The following VWF variants were observed in gnomAD, a reference collection of about 807,000 sequenced individuals.
The protein encoded by VWF is Factor VIII related antigen.
In VWF, 176 loss-of-function variants were observed where a neutral mutation model predicts 308.6. The ratio of observed to expected loss-of-function variants is 0.57; its 90% confidence interval spans 0.50 to 0.65. The LOEUF is 0.65. Ranked by LOEUF, VWF falls within the 30% of genes least tolerant of loss-of-function variation. The pLI is 0.00. For synonymous variants in VWF, 1,385 were observed against 1,443.4 expected (o/e 0.96, Z 0.92); for missense variants, 3,146 against 3,648.2 (o/e 0.86, Z 3.55).
chr12:6,054,937 G>T (rs979775216), intron 15 of VWF, among the ~76,000 whole-genome samples: 2 of 152,164 alleles, frequency 1.3e-5, no homozygotes, highest in Non-Finnish European at 2.9e-5. Context: ...TTACCCAACT[G>T]CCTTGGGTAC....
chr12:5,962,309 A>T (rs1565810261), intron 47 of VWF, among the ~76,000 whole-genome samples: 1 of 152,110 alleles, frequency 6.6e-6, no homozygotes, highest in Admixed American at 6.5e-5. Context: ...CACTTTAAAC[A>T]TTTTTTTAAT....
At chr12:6,015,465 G>C (rs757194443) in intron 31 of VWF, among the ~76,000 whole-genome samples, 1 of 151,860 alleles carries the variant, frequency 6.6e-6, no homozygotes, top group African/African-American at 2.4e-5. Flanking sequence ...AGGTGGCCAC[G>C]AGGGGACTCA....
rs542984010 is a variant in VWF, at chr12:6,114,938, T to C, written c.221-3970A>G. 5.9e-5 allele frequency among the ~76,000 whole-genome samples: 9 copies of C among 152,206 alleles called. No homozygotes were observed. The East Asian group carries it at 9.7e-4, about 16-fold the overall frequency. On this transcript the variant is annotated intron_variant, in intron 3 of 51. Coordinates refer to ENST00000261405, the MANE Select transcript of VWF (RefSeq NM_000552.5). The stretch of plus-strand genomic sequence containing the variant: ...GCTGCATCGTGCCCTTCAGTGAGGA[T>C]TGAACTGCATGGCAAGGAGAATTCC...
intron 38 of VWF, among the ~76,000 whole-genome samples, chr12:5,991,107 A>G (rs1943736584): frequency 6.6e-6 from 1 of 150,498 alleles, no homozygotes; most frequent in Non-Finnish European, 1.5e-5. Context: ...GGATTTTTGT[A>G]TTTATGAGTG....
At position 6,016,864 on chromosome 12, in the gene VWF, C is replaced by T. The variant is rs1170482741; in HGVS notation, c.5060G>A (p.Ser1687Asn). 1 of 1,613,856 alleles carries T rather than the reference C, an allele frequency of 6.2e-7. No homozygotes were observed. The highest frequency in any genetic ancestry group is 8.5e-7 in the Non-Finnish European group (1 of 1,179,942). Residue 1687 changes from serine (S) to asparagine (N), a missense_variant, in exon 29 of 52, where the codon AGC becomes AAC. Coordinates refer to ENST00000261405, the MANE Select transcript of VWF (RefSeq NM_000552.5). ...GAGAAGGATCACGTCCAGGGGCTGG[C>T]TGCAGTCTGCAAAGACAACCAGGAA... ...IPTLSPAPDC[S>N]QPLDVILLLD... is the part of the protein sequence containing the mutation.
chr12:5,951,868 T>C lies in VWF; in HGVS notation c.8131A>G (p.Ile2711Val). Residue 2711 changes from isoleucine to valine, a missense_variant, in exon 50 of 52, where the codon ATT (isoleucine) becomes GTT (valine). Ile to Val is a conservative substitution (Grantham distance 29). This residue lies in a region of VWF where 989 missense variants were observed against 1,117.4 expected (regional missense o/e 0.89). Coordinates refer to ENST00000261405, the MANE Select transcript of VWF (RefSeq NM_000552.5). ...CLAEGGKIMKIPGTCCDTCEE... is the reference protein window; with the variant it reads ...CLAEGGKIMKVPGTCCDTCEE... ...CATGTGTCACAGCAGGTGCCTGGAA[T>C]TTTCATAATTTTACCCTAAGAAAAC... is the stretch of plus-strand genomic sequence containing the variant. 1 of 1,614,184 alleles carries C rather than the reference T, an allele frequency of 6.2e-7. No homozygotes were observed. Among genetic ancestry groups the C allele is most frequent in the Non-Finnish European group, 8.5e-7 (1 of 1,180,036 alleles).
chr12:6,073,773 G>A (rs766802459), intron 7 of VWF, 32 bp from the exon 8 acceptor site: 1 of 1,613,194 alleles, frequency 6.2e-7, no homozygotes, highest in South Asian at 1.1e-5. Context: ...GTCTACCCAG[G>A]GCAGGTCCCA....
intron 27 of VWF, chr12:6,021,194 G>A: frequency 6.5e-6 from 1 of 152,722 alleles, no homozygotes; most frequent in Non-Finnish European, 1.5e-5. Context: ...TGTGACCATA[G>A]CCCCTCCCCA....
chr12:6,029,227 C>G, intron 22 of VWF, 115 bp downstream of exon 22: 1 of 1,376,386 alleles, frequency 7.3e-7, no homozygotes, highest in Non-Finnish European at 1.0e-6. Context: ...TATATATGCA[C>G]CCAACACAGG....
intron 47 of VWF, among the ~76,000 whole-genome samples, chr12:5,957,221 T>C (rs948150884): frequency 6.6e-6 from 1 of 152,216 alleles, no homozygotes; most frequent in Non-Finnish European, 1.5e-5. Context: ...GATTTGCGTA[T>C]GTGCACTCCA....
chr12:6,034,845 G>C lies in VWF; in HGVS notation c.2547-19C>G. On this transcript the variant is annotated intron_variant, in intron 19 of 51. Transcript: ENST00000261405. Reference sequence around the variant, plus strand: ...ACAGACACTAGGAGCAGTCATGGCAGAGATGACAAGTTGGGCACCTTGGGT... The same window carrying C: ...ACAGACACTAGGAGCAGTCATGGCACAGATGACAAGTTGGGCACCTTGGGT... The C allele has an allele frequency of 1.2e-6, 2 of 1,612,992 alleles. No individual in the cohort carries two copies. Among genetic ancestry groups the C allele is most frequent in the Non-Finnish European group, 1.7e-6 (2 of 1,179,008 alleles).
At chr12:6,081,181 A>G (rs1944906414) in intron 6 of VWF, among the ~76,000 whole-genome samples, 1 of 152,184 alleles carries the variant, frequency 6.6e-6, no homozygotes, top group South Asian at 2.1e-4. Context: ...TTCAGAGACC[A>G]TCTCATCACC....
chr12:6,056,800 A>G (rs1257611262), intron 15 of VWF, 57 bp downstream of exon 15: 3 of 1,298,246 alleles, frequency 2.3e-6, no homozygotes, highest in Non-Finnish European at 2.9e-6. Flanking sequence ...TTCGAAAAGC[A>G]CACGTGGACG....
intron 24 of VWF, 119 bp from the exon 25 acceptor site, chr12:6,023,906 A>G (rs1417352073): frequency 8.0e-6 from 9 of 1,123,620 alleles, no homozygotes; most frequent in Non-Finnish European, 1.1e-5. Context: ...AGGTAGAAGG[A>G]GAAATGTAGC....
chr12:6,096,589 A>AT, intron 5 of VWF, among the ~76,000 whole-genome samples: 1 of 152,156 alleles, frequency 6.6e-6, no homozygotes, highest in African/African-American at 2.4e-5. Flanking sequence ...TGCTCAAAAT[A>AT]TTTTTGCAGA....
intron 26 of VWF, among the ~76,000 whole-genome samples, chr12:6,022,350 C>G (rs1944138395): frequency 6.6e-6 from 1 of 152,128 alleles, no homozygotes; most frequent in South Asian, 2.1e-4. Flanking sequence ...TAGAGCTGTG[C>G]TGTACCATAG....
At chr12:6,098,768 C>T (rs1045843522) in intron 5 of VWF, among the ~76,000 whole-genome samples, 4 of 150,598 alleles carry the variant, frequency 2.7e-5, no homozygotes, top group African/African-American at 9.8e-5. Context: ...AACAGAGACA[C>T]CATCTCAAAA....
At chr12:6,055,215 C>A (rs984453614) in intron 15 of VWF, among the ~76,000 whole-genome samples, 1 of 152,190 alleles carries the variant, frequency 6.6e-6, no homozygotes, top group Non-Finnish European at 1.5e-5. Context: ...GGGCCCTTAG[C>A]ATTCCAGGAG....
rs185536599 is a variant in VWF at position 6,069,138 on chromosome 12, G to A, written c.1156+2159C>T. On this transcript the variant is annotated intron_variant, in intron 10 of 51. Transcript: ENST00000261405. ...CCCAAAAAGCTGGGATTACAGGCGTGAGCCACCATGCCTGGCATAAGATAC... is the reference window on the plus strand; with the variant it reads ...CCCAAAAAGCTGGGATTACAGGCGTAAGCCACCATGCCTGGCATAAGATAC... Among the ~76,000 whole-genome samples the A allele has an allele frequency of 5.3e-5, 8 of 152,190 alleles. No individual in the cohort carries two copies. The South Asian group carries it at 8.3e-4, about 16-fold the overall frequency.
Sources: gnomAD v4.1 joint callset for allele counts (sites outside exome capture counted in the v4.1 genomes callset) on GRCh38, gnomAD v4.1.1 for gene constraint, gnomAD v4.1.1 regional missense constraint, MANE v1.5 for transcripts, NCBI Gene and HGNC (gene_info 2026-07-23, HGNC 2026-07-21) for gene names.